WWOX: variants seen among roughly 807,000 people sequenced by gnomAD.
WWOX encodes WW domain containing oxidoreductase.
Under a neutral mutation model 46.2 loss-of-function variants are expected in WWOX, and 69 were observed. The ratio of observed to expected loss-of-function variants is 1.49; its 90% CI spans 1.23 to 1.82. The LOEUF (loss-of-function observed/expected upper bound fraction) is 1.82, where lower values mean the gene tolerates loss of function less well. Among genes scored for constraint, WWOX ranks in the 40% most tolerant of loss-of-function variants. WWOX has a pLI of 0.00. For synonymous variants in WWOX, 359 were observed against 202.6 expected, an observed-to-expected ratio of 1.77 and a Z score of -6.56; for missense variants, 919 against 542.6, an observed-to-expected ratio of 1.69 and a Z score of -6.89.
At chr16:79,020,678 AAAG>A (rs1266763885) in intron 8 of WWOX, among the ~76,000 whole-genome samples, 1 of 152,192 alleles carries the variant, frequency 6.6e-6, no homozygotes, top group African/African-American at 2.4e-5. Context: ...TCAACAGACA[AAAG>A]AAGGGAGAGT....
At chr16:79,201,806 C>CG (rs200162382) in intron 8 of WWOX, among the ~76,000 whole-genome samples, 1,774 of 90,060 alleles carry the variant, frequency 0.02, 21 homozygotes, top group Non-Finnish European at 0.037. Flanking sequence ...TAAATTGAAA[C>CG]CTGACAATGT....
chr16:78,726,204 C>G (rs2048832971), intron 8 of WWOX, among the ~76,000 whole-genome samples: 1 of 147,704 alleles, frequency 6.8e-6, no homozygotes, highest in East Asian at 2.0e-4. Context: ...TTCCTTCCTT[C>G]CTTCTTTTCT....
chr16:78,455,000 A>C (rs2083782266), intron 8 of WWOX, among the ~76,000 whole-genome samples: 1 of 152,246 alleles, frequency 6.6e-6, no homozygotes, highest in African/African-American at 2.4e-5. Flanking sequence ...GACTTAAGGC[A>C]TAGCAAATGC....
chr16:79,003,171 G>C (rs1232109734), intron 8 of WWOX, among the ~76,000 whole-genome samples: 1 of 152,188 alleles, frequency 6.6e-6, no homozygotes, highest in East Asian at 1.9e-4. Flanking sequence ...CTCTAACTTT[G>C]AGAGCCCAAT....
chr16:78,322,194 G>A (rs996665755), intron 5 of WWOX, among the ~76,000 whole-genome samples: 2 of 152,096 alleles, frequency 1.3e-5, no homozygotes, highest in Non-Finnish European at 2.9e-5. Context: ...ATTCGAAAGA[G>A]CAAATGAGCC....
chr16:78,490,512 A>C (rs1256588034), intron 8 of WWOX, among the ~76,000 whole-genome samples: 5 of 152,180 alleles, frequency 3.3e-5, no homozygotes, highest in Admixed American at 2.0e-4. Flanking sequence ...GGTCACGAAC[A>C]TGCGTTGTTT....
intron 8 of WWOX, among the ~76,000 whole-genome samples, chr16:79,191,705 C>T (rs913520944): frequency 6.6e-6 from 1 of 152,176 alleles, no homozygotes; most frequent in Non-Finnish European, 1.5e-5. Flanking sequence ...ATAAATACCA[C>T]CTACCCCAAC....
intron 6 of WWOX, among the ~76,000 whole-genome samples, chr16:78,399,357 A>G (rs767388506): frequency 3.5e-4 from 53 of 152,322 alleles, no homozygotes; most frequent in Middle Eastern, 3.4e-3. Flanking sequence ...TCATAGTTGT[A>G]TGTAATCGTA....
chr16:78,321,592 G>C (rs1346381112), intron 5 of WWOX, among the ~76,000 whole-genome samples: 9 of 152,014 alleles, frequency 5.9e-5, no homozygotes, highest in Non-Finnish European at 1.3e-4. Context: ...TGTCCTAACA[G>C]TGAATAAAGA....
intron 8 of WWOX, among the ~76,000 whole-genome samples, chr16:79,099,224 C>T (rs999430355): frequency 1.2e-4 from 19 of 152,152 alleles, no homozygotes; most frequent in African/African-American, 3.4e-4. Context: ...AAACACCTCC[C>T]GGTAGGCTCC....
chr16:78,108,728 C>T (rs961597670), intron 2 of WWOX, among the ~76,000 whole-genome samples: 3 of 152,248 alleles, frequency 2.0e-5, no homozygotes, highest in East Asian at 1.9e-4. Flanking sequence ...TGGCTCATGC[C>T]TGTAATCCCA....
intron 5 of WWOX, among the ~76,000 whole-genome samples, chr16:78,265,709 A>G (rs1463900020): frequency 4.0e-5 from 6 of 150,330 alleles, no homozygotes; most frequent in Non-Finnish European, 5.9e-5. Flanking sequence ...AAAAACACGA[A>G]TATCTTTTTT....
At chr16:78,762,504 G>C (rs914738657) in intron 8 of WWOX, among the ~76,000 whole-genome samples, 16 of 152,198 alleles carry the variant, frequency 1.1e-4, no homozygotes, top group Admixed American at 1.0e-3. Flanking sequence ...AGGCTGCAAA[G>C]ACAATACGAC....
At chr16:79,211,586 G>C (rs1033349977) in intron 8 of WWOX, 22 bp from the exon 9 acceptor site, 1 of 1,613,686 alleles carries the variant, frequency 6.2e-7, no homozygotes, top group Non-Finnish European at 8.5e-7. Context: ...ATTTTTTTTT[G>C]TCTTTCTTCT....
intron 8 of WWOX, among the ~76,000 whole-genome samples, chr16:78,797,358 T>TAAAAAAAAAAAAAAAAAAAAAAAAAA (rs57291441): frequency 2.6e-5 from 3 of 116,642 alleles, no homozygotes; most frequent in Admixed American, 9.4e-5. Flanking sequence ...GTCAAAGTGG[T>TAAAAAAAAAAAAAAAAAAAAAAAAAA]AAAAAAAAAA....
intron 8 of WWOX, among the ~76,000 whole-genome samples, chr16:78,663,000 A>T (rs80145063): frequency 0.13 from 19,877 of 152,064 alleles, 2,268 homozygotes; most frequent in African/African-American, 0.31. Context: ...TGGTTTTTTG[A>T]CTGAGATTAT....
At chr16:78,362,402 G>C (rs763644287) in intron 5 of WWOX, among the ~76,000 whole-genome samples, 11 of 152,168 alleles carry the variant, frequency 7.2e-5, no homozygotes, top group Non-Finnish European at 1.0e-4. Context: ...CTGATGATAG[G>C]AGTTCAAGAC....
chr16:79,018,185 A>G (rs367661524), intron 8 of WWOX, among the ~76,000 whole-genome samples: 2 of 152,284 alleles, frequency 1.3e-5, no homozygotes, highest in African/African-American at 4.8e-5. Flanking sequence ...TTTATTGTCT[A>G]TCGTTGAGTC....
chr16:79,049,834 C>CA (rs34371278), intron 8 of WWOX, among the ~76,000 whole-genome samples: 12,062 of 78,226 alleles, frequency 0.15, 796 homozygotes, highest in Middle Eastern at 0.26. Context: ...GACTCTGTCT[C>CA]AAAAAAAAAA....
Sources: gnomAD v4.1 joint callset for allele counts (sites outside exome capture counted in the v4.1 genomes callset) on GRCh38, gnomAD v4.1.1 for gene constraint, MANE v1.5 for transcripts, NCBI Gene and HGNC (gene_info 2026-07-23, HGNC 2026-07-21) for gene names.